ZNF362: variants seen among roughly 807,000 people sequenced by gnomAD.
ZNF362 encodes zinc finger protein 362, also known as rotund homolog.
A neutral mutation model predicts 42.9 loss-of-function variants in ZNF362; 11 were observed. The observed-to-expected ratio is 0.26, with a 90% CI of 0.16 to 0.42. The LOEUF is 0.42. ZNF362 is among the 20% of genes least tolerant of loss of function. The pLI is 1.00. For synonymous variants in ZNF362, 255 were observed against 257.3 expected (o/e 0.99, Z 0.09); for missense variants, 362 against 576.2 (o/e 0.63, Z 3.81).
At chr1:33,220,987 G>A in the ZNF362 span, among the ~76,000 whole-genome samples, 1 of 152,184 alleles carries the variant, frequency 6.6e-6, no homozygotes, top group Non-Finnish European at 1.5e-5. Flanking sequence ...GACAGGGCAA[G>A]GGTCAGCAGA....
At chr1:33,189,720 C>CGTATATATATATATATATATAT in the ZNF362 span, among the ~76,000 whole-genome samples, 2 of 83,898 alleles carry the variant, frequency 2.4e-5, no homozygotes, top group South Asian at 9.0e-4. Flanking sequence ...TATATATATA[C>CGTATATATATATATATATATAT]ATACACACAT....
At chr1:33,226,731 G>T in the ZNF362 span, among the ~76,000 whole-genome samples, 1 of 152,162 alleles carries the variant, frequency 6.6e-6, no homozygotes, top group Non-Finnish European at 1.5e-5. Context: ...TGGGCATGGT[G>T]GCGCATGCCT....
At chr1:33,155,056 G>A in the ZNF362 span, among the ~76,000 whole-genome samples, 1 of 142,318 alleles carries the variant, frequency 7.0e-6, no homozygotes, top group Admixed American at 6.9e-5. Context: ...TCGCGCCACT[G>A]CACTCCAGCC....
chr1:33,176,430 TC>T, the ZNF362 span: 2 of 698,396 alleles, frequency 2.9e-6, no homozygotes, highest in South Asian at 3.0e-5. Flanking sequence ...CCAAGGCTGA[TC>T]CACTGCTGTC....
the ZNF362 span, chr1:33,176,455 A>T: frequency 1.4e-6 from 1 of 696,430 alleles, no homozygotes; most frequent in Non-Finnish European, 2.6e-6. Context: ...TCTGGCATGA[A>T]GGAAGCCTTG....
intron 6 of ZNF362, among the ~76,000 whole-genome samples, chr1:33,293,191 T>C (rs1646092276): frequency 6.6e-6 from 1 of 152,168 alleles, no homozygotes; most frequent in African/African-American, 2.4e-5. Flanking sequence ...CCAACGAATC[T>C]GGAAGGATGA....
chr1:33,223,183 A>G, the ZNF362 span, among the ~76,000 whole-genome samples: 2 of 152,242 alleles, frequency 1.3e-5, no homozygotes, highest in African/African-American at 4.8e-5. Context: ...CCCAGGAAGC[A>G]GAGCTTGCAG....
the ZNF362 span, among the ~76,000 whole-genome samples, chr1:33,209,533 G>A: frequency 6.6e-6 from 1 of 152,150 alleles, no homozygotes; most frequent in Non-Finnish European, 1.5e-5. Flanking sequence ...GTAGAATTCG[G>A]CTGTGACTCC....
the ZNF362 span, among the ~76,000 whole-genome samples, chr1:33,228,427 G>T: frequency 6.6e-6 from 1 of 152,098 alleles, no homozygotes; most frequent in African/African-American, 2.4e-5. Flanking sequence ...CCATCCACTT[G>T]TCTAGCTGAC....
At chr1:33,166,987 C>T in the ZNF362 span, among the ~76,000 whole-genome samples, 31 of 152,298 alleles carry the variant, frequency 2.0e-4, no homozygotes, top group South Asian at 6.4e-3. Context: ...CCTCTGTCTC[C>T]AACACCCTCC....
the ZNF362 span, chr1:33,147,705 G>T: frequency 6.2e-7 from 1 of 1,612,788 alleles, no homozygotes; most frequent in Non-Finnish European, 8.5e-7. This position sits in a 1 kb window ranked among gnomAD's most constrained non-coding sequence, Gnocchi z 8.1. Flanking sequence ...CTGTGCCCGG[G>T]TCCAGGGTTA....
chr1:33,276,663 A>C (rs1194525737), intron 4 of ZNF362, 69 bp downstream of exon 4: 1 of 1,287,324 alleles, frequency 7.8e-7, no homozygotes, highest in Non-Finnish European at 9.8e-7. Flanking sequence ...GTAGCGGGGG[A>C]CTTGGTGAGG....
In ZNF362 at chr1:33,299,116, C is replaced by T. The variant is rs916635254; in HGVS notation, c.*70C>T. The T allele has an allele frequency of 8.2e-7, 1 of 1,225,060 alleles. No individual in the cohort carries two copies. The highest frequency in any genetic ancestry group is 1.5e-5 in the African/African-American group (1 of 67,870). The allele number at this position is 1,225,060 out of a possible 1,614,324, so 75.9% of individuals were successfully genotyped here. On this transcript the variant is annotated 3_prime_UTR_variant, in exon 9 of 9. Transcript: ENST00000539719. ...ACCCAGGCAGCACCAGGCCCCAGCT[C>T]CCTCCGGGGGCCCTCCAGGAACCAC...
At chr1:33,234,123 T>C in the ZNF362 span, among the ~76,000 whole-genome samples, 1 of 152,150 alleles carries the variant, frequency 6.6e-6, no homozygotes, top group Admixed American at 6.5e-5. Context: ...CAGTGGAACT[T>C]GGATTACCCA....
intron 1 of ZNF362, among the ~76,000 whole-genome samples, chr1:33,260,229 T>C (rs1645820225): frequency 6.6e-6 from 1 of 152,228 alleles, no homozygotes; most frequent in South Asian, 2.1e-4. Flanking sequence ...TAGGCATTTA[T>C]AAGAAAAAAT....
chr1:33,227,400 C>G, the ZNF362 span, among the ~76,000 whole-genome samples: 5 of 152,122 alleles, frequency 3.3e-5, no homozygotes, highest in Non-Finnish European at 7.4e-5. Flanking sequence ...GACACTGACT[C>G]TTTAGATGTT....
chr1:33,203,925 C>T, the ZNF362 span, among the ~76,000 whole-genome samples: 1 of 152,064 alleles, frequency 6.6e-6, no homozygotes, highest in Non-Finnish European at 1.5e-5. Context: ...TGTATGCTGC[C>T]TTTTCCTTTT....
chr1:33,278,592 T>C (rs536491335), intron 4 of ZNF362, among the ~76,000 whole-genome samples: 10 of 152,340 alleles, frequency 6.6e-5, no homozygotes, highest in East Asian at 1.9e-4. Flanking sequence ...CAAAAAATTA[T>C]TCTCTTTCCC....
chr1:33,208,202 A>C, the ZNF362 span, among the ~76,000 whole-genome samples: 1 of 152,042 alleles, frequency 6.6e-6, no homozygotes, highest in African/African-American at 2.4e-5. Flanking sequence ...TCCTTTCCCC[A>C]TTGTTTGTTT....
Sources: allele counts gnomAD v4.1 joint callset (sites outside exome capture counted in the v4.1 genomes callset), GRCh38; gene constraint gnomAD v4.1.1; non-coding constraint Gnocchi (gnomAD v3.1); transcripts MANE v1.5; gene names NCBI Gene and HGNC (gene_info 2026-07-23, HGNC 2026-07-21).